Variants in PTPRJ observed in about 807,000 individuals in gnomAD.
PTPRJ encodes the protein receptor-type tyrosine-protein phosphatase eta.
A neutral mutation model predicts 141.3 loss-of-function variants in PTPRJ; 129 were observed. The observed-to-expected ratio is 0.91, with a 90% CI of 0.79 to 1.06. The LOEUF (loss-of-function observed/expected upper bound fraction) is 1.06, where lower values mean the gene tolerates loss of function less well. Ranked by LOEUF, PTPRJ falls within the 50% of genes least tolerant of loss-of-function variation. The probability of loss-of-function intolerance (pLI) is 0.00; values close to 1 mark genes in which losing one functional copy is unlikely to be tolerated. For synonymous variants in PTPRJ, 610 were observed against 640.5 expected (o/e 0.95, Z 0.72); for missense variants, 1,601 against 1,679.7 (o/e 0.95, Z 0.82).
intron 8 of PTPRJ, among the ~76,000 whole-genome samples, chr11:48,135,474 G>A (rs1424447492): frequency 3.2e-5 from 4 of 124,588 alleles, no homozygotes; most frequent in Non-Finnish European, 6.5e-5. Flanking sequence ...ACCGCGCCTG[G>A]CCTTTTTTTT....
chr11:48,023,167 G>A (rs1209870730), intron 1 of PTPRJ, among the ~76,000 whole-genome samples: 4 of 152,142 alleles, frequency 2.6e-5, no homozygotes, highest in Admixed American at 6.5e-5. Context: ...AGAAAAATGA[G>A]TGTCTTAAGG....
intron 1 of PTPRJ, among the ~76,000 whole-genome samples, chr11:48,072,987 T>C (rs958343106): frequency 6.6e-6 from 1 of 152,224 alleles, no homozygotes; most frequent in Non-Finnish European, 1.5e-5. Flanking sequence ...ACAGTAAAAA[T>C]GATGATGGTA....
intron 1 of PTPRJ, among the ~76,000 whole-genome samples, chr11:48,006,495 C>A (rs890688352): frequency 2.0e-5 from 3 of 152,156 alleles, no homozygotes; most frequent in Admixed American, 6.5e-5. Flanking sequence ...AAAGCTCCCA[C>A]GTGGAGGCCA....
intron 1 of PTPRJ, among the ~76,000 whole-genome samples, chr11:47,997,512 C>T (rs1854372730): frequency 6.6e-6 from 1 of 152,118 alleles, no homozygotes. Context: ...GAGCTTTGGC[C>T]GAGTTTGTGC....
At chr11:48,024,417 C>T (rs140221338) in intron 1 of PTPRJ, among the ~76,000 whole-genome samples, 62 of 152,276 alleles carry the variant, frequency 4.1e-4, no homozygotes, top group South Asian at 6.2e-4. Flanking sequence ...GGGCTGGTCT[C>T]GAACTCCTGA....
intron 19 of PTPRJ, 108 bp downstream of exon 19, chr11:48,153,994 C>A: frequency 1.3e-6 from 1 of 767,292 alleles, no homozygotes; most frequent in African/African-American, 1.7e-5. Flanking sequence ...CTTCCACAAC[C>A]ATTCATTAGT....
At chr11:48,136,923 T>C in intron 9 of PTPRJ, 80 bp from the exon 10 acceptor site, 1 of 1,372,150 alleles carries the variant, frequency 7.3e-7, no homozygotes. Context: ...CGAGCCAGGC[T>C]ATTTTTGGAT....
At chr11:48,132,968 G>C (rs1375713607) in intron 8 of PTPRJ, among the ~76,000 whole-genome samples, 1 of 152,194 alleles carries the variant, frequency 6.6e-6, no homozygotes, top group East Asian at 1.9e-4. Flanking sequence ...TAAGGATGTG[G>C]ATAATGGTAA....
Position 48,160,039 on chromosome 11 carries a change from C to T in PTPRJ, c.3548C>T (p.Thr1183Ile), listed in dbSNP as rs767389778. 5.6e-6 allele frequency: 9 copies of T among 1,613,826 alleles called. No homozygotes were observed. Among genetic ancestry groups the T allele is most frequent in the Non-Finnish European group, 7.6e-6 (9 of 1,179,774 alleles). The change falls in exon 22 of 25, where the codon ACA becomes ATA. Residue 1183 changes from threonine to isoleucine, a missense_variant. Transcript: ENST00000418331. ...VLPEWTIRDF[T>I]VKNIQTSESH... ...CCGGAATGGACCATCAGAGATTTCA[C>T]AGTGAAAAATGTAAGTAAGAAGTCA...
At chr11:48,110,944 A>T (rs1238570685) in intron 2 of PTPRJ, among the ~76,000 whole-genome samples, 1 of 152,234 alleles carries the variant, frequency 6.6e-6, no homozygotes, top group Non-Finnish European at 1.5e-5. Context: ...CCATCCCTGG[A>T]TTATGTCCTT....
intron 16 of PTPRJ, 127 bp downstream of exon 16, chr11:48,149,615 GA>G: frequency 1.5e-6 from 1 of 670,496 alleles, no homozygotes; most frequent in South Asian, 2.2e-5. Context: ...TGACCATCTG[GA>G]AGTTTTTGCT....
intron 2 of PTPRJ, among the ~76,000 whole-genome samples, chr11:48,112,289 A>G (rs1856460108): frequency 6.6e-6 from 1 of 152,210 alleles, no homozygotes; most frequent in South Asian, 2.1e-4. Context: ...CCCAACAGCT[A>G]TGCATATACA....
At chr11:48,025,775 G>A (rs562823759) in intron 1 of PTPRJ, among the ~76,000 whole-genome samples, 11 of 152,280 alleles carry the variant, frequency 7.2e-5, no homozygotes, top group Admixed American at 3.9e-4. Flanking sequence ...TCTAAATGGC[G>A]CGTCAGCTCC....
chr11:48,157,102 C>A (rs763313124), intron 21 of PTPRJ, among the ~76,000 whole-genome samples: 1 of 152,068 alleles, frequency 6.6e-6, no homozygotes, highest in Non-Finnish European at 1.5e-5. Context: ...GATTCTCCTG[C>A]CTCAGCCTCC....
At chr11:48,132,745 A>G (rs1306687777) in intron 8 of PTPRJ, 2 of 964,220 alleles carry the variant, frequency 2.1e-6, no homozygotes, top group Non-Finnish European at 2.5e-6. Flanking sequence ...TGAAACACAC[A>G]TGAAATGAGT....
intron 1 of PTPRJ, among the ~76,000 whole-genome samples, chr11:48,103,865 T>G (rs1469215925): frequency 6.6e-6 from 1 of 152,178 alleles, no homozygotes; most frequent in African/African-American, 2.4e-5. Context: ...TCTGGGTACT[T>G]TTTTCTGTGT....
rs570396414 is a variant in PTPRJ, at chr11:48,021,225, T to C, written c.96+40217T>C. Among the ~76,000 whole-genome samples, 255 of 151,986 alleles carry C rather than the reference T, an allele frequency of 1.7e-3. 1 individual carries two copies. Among genetic ancestry groups the C allele is most frequent in the Middle Eastern group, 6.8e-3 (2 of 294 alleles). ...CCTGTCTCTACTAAAAATACAAAAA[T>C]TAGCCGGGCGTGTTGGCATGTGCCT... is the stretch of plus-strand genomic sequence containing the variant. On this transcript the variant is annotated intron_variant, in intron 1 of 24. Transcript: ENST00000418331.
intron 1 of PTPRJ, among the ~76,000 whole-genome samples, chr11:48,101,743 G>T (rs377009649): frequency 2.0e-5 from 3 of 152,176 alleles, no homozygotes; most frequent in African/African-American, 7.2e-5. Context: ...GTTTTTATCC[G>T]TATTCTAAGG....
intron 1 of PTPRJ, among the ~76,000 whole-genome samples, chr11:48,027,791 CAAAAAAAAAAAAAAAAAA>C (rs750153282): frequency 3.0e-5 from 1 of 32,902 alleles, no homozygotes; most frequent in African/African-American, 1.1e-4. Context: ...ACTCTGTCTC[CAAAAAAAAAAAAAAAAAA>C]AAAAAAAAAA....
Sources: allele counts gnomAD v4.1 joint callset (sites outside exome capture counted in the v4.1 genomes callset), GRCh38; gene constraint gnomAD v4.1.1; transcripts MANE v1.5; gene names NCBI Gene and HGNC (gene_info 2026-07-23, HGNC 2026-07-21).